Variants in DLG2 observed in about 807,000 individuals in gnomAD.
DLG2 encodes the protein disks large homolog 2.
Under a neutral mutation model 132.5 loss-of-function variants are expected in DLG2, and 45 were observed. The ratio of observed to expected loss-of-function variants is 0.34; its 90% CI spans 0.27 to 0.44. The LOEUF (loss-of-function observed/expected upper bound fraction) is 0.44. Ranked by LOEUF, DLG2 falls within the 20% of genes least tolerant of loss-of-function variation. DLG2 has a pLI of 1.00. For missense variants in DLG2, 1,045 were observed against 1,196.9 expected, an observed-to-expected ratio of 0.87 and a Z score of 1.87; for synonymous variants, 424 against 419.6, an observed-to-expected ratio of 1.01 and a Z score of -0.13.
intron 7 of DLG2, among the ~76,000 whole-genome samples, chr11:84,258,537 A>G (rs1227130311): frequency 6.6e-6 from 1 of 152,206 alleles, no homozygotes; most frequent in Non-Finnish European, 1.5e-5. Context: ...TTTAATTTTT[A>G]CAATGTTCTA....
At chr11:85,532,880 C>T (rs890999617) in intron 3 of DLG2, among the ~76,000 whole-genome samples, 2 of 152,078 alleles carry the variant, frequency 1.3e-5, no homozygotes, top group African/African-American at 2.4e-5. Context: ...TGTTCCTTAT[C>T]TTATGTTAAA....
At chr11:84,278,731 A>C (rs934396573) in intron 7 of DLG2, among the ~76,000 whole-genome samples, 11 of 152,206 alleles carry the variant, frequency 7.2e-5, no homozygotes, top group Non-Finnish European at 1.5e-4. Flanking sequence ...AAATTAAATA[A>C]TGAATTTATT....
chr11:84,248,420 TTAGGTGCA>T (rs2097330926), intron 8 of DLG2, among the ~76,000 whole-genome samples: 1 of 152,124 alleles, frequency 6.6e-6, no homozygotes, highest in Admixed American at 6.5e-5. Flanking sequence ...ATAGGTTAAT[TTAGGTGCA>T]TAGAGATTAA....
chr11:83,495,529 C>T (rs894983541), intron 21 of DLG2, among the ~76,000 whole-genome samples: 8 of 152,088 alleles, frequency 5.3e-5, no homozygotes, highest in African/African-American at 1.9e-4. Context: ...ACTCTATATA[C>T]CTGTTTTTAC....
chr11:85,360,467 G>A (rs1408712853), intron 3 of DLG2, among the ~76,000 whole-genome samples: 2 of 152,166 alleles, frequency 1.3e-5, no homozygotes, highest in South Asian at 2.1e-4. Context: ...GTTATTAGCC[G>A]GGTCTTACCT....
At chr11:85,593,345 C>G (rs759548598) in intron 3 of DLG2, among the ~76,000 whole-genome samples, 9 of 152,166 alleles carry the variant, frequency 5.9e-5, no homozygotes, top group Admixed American at 2.0e-4. Flanking sequence ...TAACATGCCT[C>G]AGAATCACCT....
intron 3 of DLG2, among the ~76,000 whole-genome samples, chr11:85,419,552 C>T (rs2152992814): frequency 6.6e-6 from 1 of 152,320 alleles, no homozygotes; most frequent in African/African-American, 2.4e-5. Context: ...TTCTTCTCAT[C>T]ATTTTCAAGT....
chr11:84,108,781 G>A (rs1304507487), intron 9 of DLG2, among the ~76,000 whole-genome samples: 1 of 64,142 alleles, frequency 1.6e-5, no homozygotes, highest in Non-Finnish European at 5.4e-5. Context: ...TGCTGAAGGG[G>A]AGAACAGAGA....
chr11:83,637,185 A>G (rs1591424303), intron 18 of DLG2, among the ~76,000 whole-genome samples: 1 of 152,208 alleles, frequency 6.6e-6, no homozygotes, highest in Admixed American at 6.5e-5. Flanking sequence ...CAACAAGTTA[A>G]AACAGAAAAA....
chr11:84,288,246 C>A (rs1314984319), intron 7 of DLG2, among the ~76,000 whole-genome samples: 1 of 151,644 alleles, frequency 6.6e-6, no homozygotes, highest in Non-Finnish European at 1.5e-5. Context: ...GGATTATTGT[C>A]AGGATTAAAT....
chr11:84,602,063 A>G (rs1182815310), intron 6 of DLG2, among the ~76,000 whole-genome samples: 1 of 152,054 alleles, frequency 6.6e-6, no homozygotes, highest in Non-Finnish European at 1.5e-5. Context: ...AGATTCAGAC[A>G]TTCATTCAAT....
chr11:84,282,103 C>A (rs1301960801), intron 7 of DLG2, among the ~76,000 whole-genome samples: 2 of 152,018 alleles, frequency 1.3e-5, no homozygotes, highest in African/African-American at 4.8e-5. Context: ...TAGCCAAAAG[C>A]TTGAAATAAC....
chr11:83,510,830 GTTTTTT>G (rs566973328), intron 21 of DLG2, among the ~76,000 whole-genome samples: 15 of 88,788 alleles, frequency 1.7e-4, no homozygotes, highest in African/African-American at 4.9e-4. Flanking sequence ...TGAACCATCC[GTTTTTT>G]TTTTTTTTTT....
At chr11:84,271,012 C>T (rs1567137458) in intron 7 of DLG2, among the ~76,000 whole-genome samples, 2 of 152,054 alleles carry the variant, frequency 1.3e-5, no homozygotes, top group East Asian at 1.9e-4. Flanking sequence ...CATGTGTGTA[C>T]ATGAAATACA....
chr11:85,045,429 G>T (rs1382784960), intron 6 of DLG2, among the ~76,000 whole-genome samples: 1 of 152,150 alleles, frequency 6.6e-6, no homozygotes. Flanking sequence ...ATATGCAAAA[G>T]TGAAAATAGC....
At chr11:84,693,471 G>A (rs772773234) in intron 6 of DLG2, among the ~76,000 whole-genome samples, 8 of 151,780 alleles carry the variant, frequency 5.3e-5, no homozygotes, top group African/African-American at 7.2e-5. Flanking sequence ...AACCTGAAAC[G>A]TACTCTGAAC....
chr11:84,853,231 G>T (rs866421407), intron 6 of DLG2, among the ~76,000 whole-genome samples: 9 of 152,012 alleles, frequency 5.9e-5, no homozygotes, highest in Middle Eastern at 3.4e-3. Context: ...TACATTATTT[G>T]TCTGGAGGCT....
At chr11:84,515,876 A>T (rs1348275408) in intron 7 of DLG2, among the ~76,000 whole-genome samples, 1 of 152,080 alleles carries the variant, frequency 6.6e-6, no homozygotes, top group African/African-American at 2.4e-5. Flanking sequence ...GACTAAAATC[A>T]TATCAAGTGT....
chr11:84,142,571 A>G (rs549251694), intron 9 of DLG2, among the ~76,000 whole-genome samples: 4 of 152,106 alleles, frequency 2.6e-5, no homozygotes, highest in Admixed American at 6.6e-5. Context: ...GGAATAGATT[A>G]GCATTTGAAT....
Sources: allele counts gnomAD v4.1 joint callset (sites outside exome capture counted in the v4.1 genomes callset), GRCh38; gene constraint gnomAD v4.1.1; transcripts MANE v1.5; gene names NCBI Gene and HGNC (gene_info 2026-07-23, HGNC 2026-07-21).